The following CAMK1D variants were observed in gnomAD, a reference collection of about 807,000 sequenced individuals.
CAMK1D encodes the protein calcium/calmodulin dependent protein kinase ID.
CAMK1D carries 9 observed loss-of-function variants against 47.7 expected under a neutral mutation model. That is an observed-to-expected ratio of 0.19 (90% CI 0.11 to 0.33). CAMK1D has a LOEUF of 0.33. Ranked by LOEUF, CAMK1D falls within the 10% of genes least tolerant of loss-of-function variation. CAMK1D has a pLI of 1.00. For synonymous variants in CAMK1D, 184 were observed against 184.9 expected, an observed-to-expected ratio of 0.99 and a Z score of 0.04; for missense variants, 291 against 488.7, an observed-to-expected ratio of 0.60 and a Z score of 3.81.
intron 1 of CAMK1D, among the ~76,000 whole-genome samples, chr10:12,523,620 C>T (rs1488952678): frequency 6.6e-6 from 1 of 152,214 alleles, no homozygotes; most frequent in Non-Finnish European, 1.5e-5. Context: ...CGGATCACGC[C>T]TGCAATCGCA....
chr10:12,511,927 C>T (rs529581887), intron 1 of CAMK1D, among the ~76,000 whole-genome samples: 6 of 152,296 alleles, frequency 3.9e-5, no homozygotes, highest in East Asian at 1.9e-4. Flanking sequence ...GGCTCCATGC[C>T]GTGAAGAAGC....
chr10:12,534,588 A>G (rs2132228706), intron 1 of CAMK1D, among the ~76,000 whole-genome samples: 1 of 152,274 alleles, frequency 6.6e-6, no homozygotes, highest in Middle Eastern at 3.4e-3. Flanking sequence ...ACTGGTCTCG[A>G]ACTCTTGACC....
chr10:12,734,444 A>ATG (rs1835073107), intron 3 of CAMK1D, among the ~76,000 whole-genome samples: 1 of 96,738 alleles, frequency 1.0e-5, no homozygotes, highest in South Asian at 3.5e-4. Flanking sequence ...ACACACACAC[A>ATG]TATGTGTATA....
chr10:12,826,158 T>C (rs190117419), intron 10 of CAMK1D: 293 of 160,508 alleles, frequency 1.8e-3, no homozygotes, highest in African/African-American at 6.7e-3. Flanking sequence ...AGAAAAATCA[T>C]TGAACACTCG....
At chr10:12,701,724 A>G (rs147553480) in intron 3 of CAMK1D, among the ~76,000 whole-genome samples, 181 of 152,262 alleles carry the variant, frequency 1.2e-3, no homozygotes, top group Middle Eastern at 3.4e-3. Flanking sequence ...CTCCAAACAT[A>G]CTCATTTGCT....
intron 2 of CAMK1D, among the ~76,000 whole-genome samples, chr10:12,664,952 A>G (rs190940784): frequency 1.7e-4 from 26 of 152,364 alleles, no homozygotes; most frequent in Admixed American, 1.2e-3. Flanking sequence ...TTTTCCAAAA[A>G]GGGAAAATCT....
intron 1 of CAMK1D, among the ~76,000 whole-genome samples, chr10:12,418,261 C>T (rs925886683): frequency 2.6e-5 from 4 of 152,182 alleles, no homozygotes; most frequent in East Asian, 1.9e-4. Context: ...ATGATTGCAA[C>T]GCGGCCATGC....
At chr10:12,755,385 G>C (rs978750432) in intron 3 of CAMK1D, among the ~76,000 whole-genome samples, 1 of 152,198 alleles carries the variant, frequency 6.6e-6, no homozygotes, top group Non-Finnish European at 1.5e-5. Flanking sequence ...GGAAAAGATC[G>C]AGAAGATGGA....
At chr10:12,618,480 G>T (rs948597704) in intron 2 of CAMK1D, among the ~76,000 whole-genome samples, 1 of 152,168 alleles carries the variant, frequency 6.6e-6, no homozygotes. Context: ...TCTTGCACTT[G>T]TGTGTCCATA....
intron 1 of CAMK1D, among the ~76,000 whole-genome samples, chr10:12,437,441 C>T (rs1404690234): frequency 1.3e-5 from 2 of 152,178 alleles, no homozygotes; most frequent in Non-Finnish European, 2.9e-5. Flanking sequence ...GTGATCCACC[C>T]GCCTTGACCT....
intron 3 of CAMK1D, among the ~76,000 whole-genome samples, chr10:12,760,213 A>G (rs1456680870): frequency 6.6e-6 from 1 of 152,196 alleles, no homozygotes; most frequent in African/African-American, 2.4e-5. Flanking sequence ...ACCCTTGCCA[A>G]CCTAGTCCCA....
chr10:12,634,786 G>A (rs769470995), intron 2 of CAMK1D, among the ~76,000 whole-genome samples: 3 of 151,978 alleles, frequency 2.0e-5, no homozygotes, highest in Non-Finnish European at 2.9e-5. Flanking sequence ...TCTCTCTGCC[G>A]CTGGGAGGCA....
At chr10:12,504,363 C>T (rs11593330) in intron 1 of CAMK1D, among the ~76,000 whole-genome samples, 1,775 of 152,138 alleles carry the variant, frequency 0.012, 14 homozygotes, top group Non-Finnish European at 0.018. Flanking sequence ...TGGTGTAAGT[C>T]CCAGAGTCCA....
intron 2 of CAMK1D, 70 bp from the exon 3 acceptor site, chr10:12,666,666 T>A (rs944900781): frequency 1.6e-6 from 2 of 1,227,866 alleles, no homozygotes; most frequent in South Asian, 2.5e-5. Context: ...TTTGCTACAA[T>A]GCTGTCTGTT....
intron 1 of CAMK1D, among the ~76,000 whole-genome samples, chr10:12,372,756 G>GT (rs34204277): frequency 0.22 from 32,749 of 152,098 alleles, 3,990 homozygotes; most frequent in South Asian, 0.33. Context: ...AGCCTCCCGA[G>GT]TAGCTGAGAA....
At chr10:12,603,751 A>G (rs1838373035) in intron 2 of CAMK1D, among the ~76,000 whole-genome samples, 1 of 152,178 alleles carries the variant, frequency 6.6e-6, no homozygotes, top group Non-Finnish European at 1.5e-5. Context: ...CTTCTTCTCC[A>G]GGATAAGGAA....
intron 1 of CAMK1D, among the ~76,000 whole-genome samples, chr10:12,445,884 G>C (rs1419299300): frequency 6.6e-6 from 1 of 152,116 alleles, no homozygotes; most frequent in African/African-American, 2.4e-5. Flanking sequence ...CATCATAGCA[G>C]ATATAGACAT....
intron 3 of CAMK1D, among the ~76,000 whole-genome samples, chr10:12,672,157 T>A (rs1420053720): frequency 6.6e-6 from 1 of 151,832 alleles, no homozygotes; most frequent in Non-Finnish European, 1.5e-5. Flanking sequence ...CCTCGTGATC[T>A]GCCTGCCGCG....
chr10:12,720,111 C>T (rs1834312765), intron 3 of CAMK1D, among the ~76,000 whole-genome samples: 1 of 152,224 alleles, frequency 6.6e-6, no homozygotes, highest in Non-Finnish European at 1.5e-5. Flanking sequence ...GAACATGCTT[C>T]TAATACCCAG....
Sources: gnomAD v4.1 joint callset for allele counts (sites outside exome capture counted in the v4.1 genomes callset) on GRCh38, gnomAD v4.1.1 for gene constraint, MANE v1.5 for transcripts, NCBI Gene and HGNC (gene_info 2026-07-23, HGNC 2026-07-21) for gene names.